Variants in TMEM232 observed in about 807,000 individuals in gnomAD.
TMEM232 encodes the protein transmembrane protein 232.
In TMEM232, 80 loss-of-function variants were observed where a neutral mutation model predicts 78.8. That is an observed-to-expected ratio of 1.01 (90% CI 0.85 to 1.22). The LOEUF is 1.22. Ranked by LOEUF, TMEM232 falls within the 50% of genes most tolerant of loss-of-function variation. The probability of loss-of-function intolerance (pLI) is 0.00; values close to 1 mark genes in which losing one functional copy is unlikely to be tolerated. For missense variants in TMEM232, 881 were observed against 742.2 expected (o/e 1.19, Z -2.17); for synonymous variants, 297 against 254.3 (o/e 1.17, Z -1.60).
At position 110,638,297 on chromosome 5, in the gene TMEM232, C is replaced by A. The variant is rs1167059876; in HGVS notation, c.402G>T (p.Leu134=). The change falls in exon 5 of 14, where the codon CTG becomes CTT. Residue 134 remains leucine, a synonymous_variant. Transcript: ENST00000455884. ...ATTCCGCAACAAAAAATAAGGCAGGCAGATGATCATAATCAAAGGAAGCAT... is the reference window on the plus strand; with the variant it reads ...ATTCCGCAACAAAAAATAAGGCAGGAAGATGATCATAATCAAAGGAAGCAT... The part of the protein sequence containing the change: ...LDHASFDYDH[L]PALFFVAESV... 2 of 1,550,708 alleles carry A rather than the reference C, an allele frequency of 1.3e-6. No individual in the cohort carries two copies. The highest frequency in any genetic ancestry group is 1.7e-4 in the Middle Eastern group (1 of 5,980).
chr5:110,722,412 A>C (rs1797736511), intron 1 of TMEM232, among the ~76,000 whole-genome samples: 1 of 152,142 alleles, frequency 6.6e-6, no homozygotes, highest in Admixed American at 6.6e-5. Context: ...ATCTAAGTTC[A>C]GTCAGTCCTG....
intron 12 of TMEM232, among the ~76,000 whole-genome samples, chr5:110,470,288 A>G (rs1762537425): frequency 6.6e-6 from 1 of 152,072 alleles, no homozygotes; most frequent in African/African-American, 2.4e-5. Context: ...CCTGGGCACA[A>G]GCGCTAGAAG....
chr5:110,402,253 A>AT (rs1180867215), intron 2 of TMEM232, among the ~76,000 whole-genome samples: 1 of 152,004 alleles, frequency 6.6e-6, no homozygotes, highest in African/African-American at 2.4e-5. Flanking sequence ...CTGATCCATC[A>AT]TTTTTTCTGC....
chr5:110,731,379 G>A (rs114886762), upstream of TMEM232, among the ~76,000 whole-genome samples: 1 of 152,218 alleles, frequency 6.6e-6, no homozygotes, highest in African/African-American at 2.4e-5. Flanking sequence ...CCCCAGTAGG[G>A]ACTCTGTGTG....
At chr5:110,584,342 T>C (rs543297769) in intron 10 of TMEM232, among the ~76,000 whole-genome samples, 10 of 151,956 alleles carry the variant, frequency 6.6e-5, no homozygotes, top group Non-Finnish European at 1.5e-4. Flanking sequence ...AATCCTGCAA[T>C]ATGCAACAAC....
chr5:110,512,711 C>A (rs1162516055), intron 12 of TMEM232, among the ~76,000 whole-genome samples: 1 of 152,082 alleles, frequency 6.6e-6, no homozygotes, highest in African/African-American at 2.4e-5. Context: ...TCATCATAAG[C>A]TCAACAATCC....
intron 1 of TMEM232, among the ~76,000 whole-genome samples, chr5:110,672,460 G>T (rs1313420235): frequency 6.6e-6 from 1 of 152,140 alleles, no homozygotes; most frequent in Non-Finnish European, 1.5e-5. Flanking sequence ...GAGTAGAGTT[G>T]TGATATACAA....
chr5:110,578,819 A>G (rs1777851126), intron 10 of TMEM232, among the ~76,000 whole-genome samples: 1 of 151,926 alleles, frequency 6.6e-6, no homozygotes, highest in African/African-American at 2.4e-5. Flanking sequence ...AAAAATCCAG[A>G]AACTAGTAGA....
chr5:110,575,826 C>T (rs1777515120), intron 10 of TMEM232, among the ~76,000 whole-genome samples: 1 of 151,984 alleles, frequency 6.6e-6, no homozygotes, highest in Non-Finnish European at 1.5e-5. Flanking sequence ...GAATCCCCTC[C>T]ACCAGGGCCT....
Position 110,658,178 on chromosome 5 carries a change from G to A in TMEM232, c.125+9050C>T, listed in dbSNP as rs78131312. On this transcript the variant is annotated intron_variant, in intron 2 of 13. Coordinates refer to ENST00000455884, the MANE Select transcript of TMEM232 (RefSeq NM_001039763.4). ...TTCTGACTCACTGATTTGGGGTCTGGGCTTTTGAAGTCAGACACTGGAAAT... is the reference window on the plus strand; with the variant it reads ...TTCTGACTCACTGATTTGGGGTCTGAGCTTTTGAAGTCAGACACTGGAAAT... Among the ~76,000 whole-genome samples, 299 of 152,078 alleles carry A rather than the reference G, an allele frequency of 2.0e-3. 11 individuals carry two copies. The East Asian group carries it at 0.047, about 24-fold the overall frequency.
At chr5:110,397,836 C>T (rs1030979128) in exon 3 of TMEM232, 1 of 152,518 alleles carries the variant, frequency 6.6e-6, no homozygotes, top group Non-Finnish European at 1.5e-5. Context: ...TATAATTTTG[C>T]ACAGCATGTT....
chr5:110,431,449 A>C (rs1757834164), intron 12 of TMEM232, among the ~76,000 whole-genome samples: 1 of 151,702 alleles, frequency 6.6e-6, no homozygotes, highest in South Asian at 2.1e-4. Context: ...GCCATCAATC[A>C]AGATGCATAG....
chr5:110,553,806 G>C (rs1774746150), intron 11 of TMEM232, among the ~76,000 whole-genome samples: 1 of 152,090 alleles, frequency 6.6e-6, no homozygotes, highest in Non-Finnish European at 1.5e-5. Context: ...GTTTCTCAAG[G>C]GGAATGCTTT....
intron 2 of TMEM232, among the ~76,000 whole-genome samples, chr5:110,734,185 G>A (rs532704889): frequency 2.9e-4 from 44 of 152,196 alleles, no homozygotes; most frequent in Non-Finnish European, 5.4e-4. Context: ...TCACTCCTCT[G>A]CGTGCAGGTT....
upstream of TMEM232, chr5:110,738,775 T>G (rs1323374087): frequency 2.8e-6 from 1 of 355,994 alleles, no homozygotes; most frequent in Non-Finnish European, 5.0e-6. Flanking sequence ...ATCTTTGAAC[T>G]CCTCCCATGC....
At chr5:110,429,227 T>C (rs1757566868) in intron 12 of TMEM232, among the ~76,000 whole-genome samples, 1 of 151,776 alleles carries the variant, frequency 6.6e-6, no homozygotes, top group Non-Finnish European at 1.5e-5. Context: ...GCTGGCATCA[T>C]TTAACTTAGT....
intron 7 of TMEM232, among the ~76,000 whole-genome samples, chr5:110,619,720 G>T (rs781444272): frequency 6.6e-6 from 1 of 152,104 alleles, no homozygotes; most frequent in Non-Finnish European, 1.5e-5. Context: ...CCATATAAAT[G>T]AAATTCTTTT....
At chr5:110,395,879 A>T (rs1333111295) in intron 3 of TMEM232, among the ~76,000 whole-genome samples, 1 of 152,080 alleles carries the variant, frequency 6.6e-6, no homozygotes, top group Non-Finnish European at 1.5e-5. Context: ...TGCTGACTCA[A>T]ATTTAGGTGA....
chr5:110,646,361 C>T (rs887990713), intron 2 of TMEM232, among the ~76,000 whole-genome samples: 13 of 151,506 alleles, frequency 8.6e-5, no homozygotes, highest in African/African-American at 2.2e-4. Flanking sequence ...AGCATGGTAC[C>T]GGCATAAAAA....
Sources: gnomAD v4.1 joint callset for allele counts (sites outside exome capture counted in the v4.1 genomes callset) on GRCh38, gnomAD v4.1.1 for gene constraint, MANE v1.5 for transcripts, NCBI Gene and HGNC (gene_info 2026-07-23, HGNC 2026-07-21) for gene names.